The following SYNDIG1 variants were observed in gnomAD, a reference collection of about 807,000 sequenced individuals.
SYNDIG1 encodes synapse differentiation-inducing gene protein 1.
In SYNDIG1, 9 loss-of-function variants were observed where a neutral mutation model predicts 19.4. That is an observed-to-expected ratio of 0.46 (90% CI 0.28 to 0.81). The LOEUF (loss-of-function observed/expected upper bound fraction) is 0.81, where lower values mean the gene tolerates loss of function less well. SYNDIG1 is among the 30% of genes least tolerant of loss of function. The pLI, the probability that SYNDIG1 is intolerant of heterozygous loss-of-function variation, is 0.12. For synonymous variants in SYNDIG1, 141 were observed against 145.9 expected (o/e 0.97, Z 0.24); for missense variants, 311 against 343.3 (o/e 0.91, Z 0.74).
chr20:24,485,934 G>A (rs2055944520), intron 1 of SYNDIG1, among the ~76,000 whole-genome samples: 1 of 152,238 alleles, frequency 6.6e-6, no homozygotes, highest in Admixed American at 6.5e-5. Flanking sequence ...CCCAGGAGAT[G>A]TCTTTGGCCC....
intron 3 of SYNDIG1, among the ~76,000 whole-genome samples, chr20:24,603,411 G>A (rs1341416201): frequency 6.6e-6 from 1 of 152,094 alleles, no homozygotes; most frequent in Non-Finnish European, 1.5e-5. Flanking sequence ...GAGGGCTGGA[G>A]GTGCCCATAG....
intron 2 of SYNDIG1, among the ~76,000 whole-genome samples, chr20:24,570,391 G>A (rs1280697270): frequency 1.3e-5 from 2 of 152,156 alleles, no homozygotes; most frequent in African/African-American, 4.8e-5. Flanking sequence ...AAAAATATTT[G>A]TAAATTGCAT....
At chr20:24,578,732 A>G (rs952280642) in intron 2 of SYNDIG1, among the ~76,000 whole-genome samples, 2 of 152,208 alleles carry the variant, frequency 1.3e-5, no homozygotes, top group Non-Finnish European at 2.9e-5. Context: ...ATGTGGGAGG[A>G]GCAGCAGGGA....
intron 2 of SYNDIG1, among the ~76,000 whole-genome samples, chr20:24,545,593 C>T (rs979782565): frequency 1.3e-5 from 2 of 152,076 alleles, no homozygotes; most frequent in African/African-American, 2.4e-5. Flanking sequence ...AGGAGCCCTC[C>T]CCCGGCTGAG....
chr20:24,616,912 G>A (rs1026247924), intron 3 of SYNDIG1, among the ~76,000 whole-genome samples: 2 of 152,180 alleles, frequency 1.3e-5, no homozygotes, highest in Non-Finnish European at 2.9e-5. Flanking sequence ...CATCCTTGTA[G>A]GGTTTGAAAT....
chr20:24,486,668 T>C (rs540396704), intron 1 of SYNDIG1, among the ~76,000 whole-genome samples: 1 of 151,990 alleles, frequency 6.6e-6, no homozygotes, highest in African/African-American at 2.4e-5. Context: ...AATTTTTTTT[T>C]TGTTTTTTTG....
chr20:24,655,469 A>G (rs2059515680), intron 3 of SYNDIG1, among the ~76,000 whole-genome samples: 1 of 152,228 alleles, frequency 6.6e-6, no homozygotes, highest in Admixed American at 6.5e-5. Context: ...TAGTTGACAA[A>G]TTGATAAATC....
chr20:24,477,348 T>C (rs1366360997), intron 1 of SYNDIG1, among the ~76,000 whole-genome samples: 1 of 152,050 alleles, frequency 6.6e-6, no homozygotes. Context: ...TTTTTTTTCT[T>C]TTTTTACCAG....
At chr20:24,483,711 G>A (rs1314937303) in intron 1 of SYNDIG1, among the ~76,000 whole-genome samples, 2 of 152,212 alleles carry the variant, frequency 1.3e-5, no homozygotes, top group African/African-American at 2.4e-5. Context: ...AGAGTAGTTC[G>A]TTCACCACAT....
At chr20:24,645,398 C>T (rs374048277) in intron 3 of SYNDIG1, among the ~76,000 whole-genome samples, 115 of 152,344 alleles carry the variant, frequency 7.5e-4, no homozygotes, top group Middle Eastern at 3.4e-3. Context: ...GTTTTCCAAC[C>T]ATTAGACGAG....
At chr20:24,654,982 A>G (rs567271553) in intron 3 of SYNDIG1, among the ~76,000 whole-genome samples, 4 of 152,338 alleles carry the variant, frequency 2.6e-5, no homozygotes, top group African/African-American at 9.6e-5. Context: ...AGGCACGCAG[A>G]GTCTGCCACC....
chr20:24,531,631 G>GAAA (rs11472864), intron 1 of SYNDIG1, among the ~76,000 whole-genome samples: 102 of 150,162 alleles, frequency 6.8e-4, no homozygotes, highest in South Asian at 8.4e-4. Context: ...AGACAATTTT[G>GAAA]AAAAAAAAAA....
intron 2 of SYNDIG1, among the ~76,000 whole-genome samples, chr20:24,561,703 TG>T (rs2057949017): frequency 6.6e-6 from 1 of 152,208 alleles, no homozygotes; most frequent in African/African-American, 2.4e-5. Flanking sequence ...AGTTGTTTCC[TG>T]GGCATGAGAT....
Position 24,558,937 on chromosome 20 carries a change from A to C in SYNDIG1, c.480+15360A>C, listed in dbSNP as rs559517583. 4.2e-4 allele frequency among the ~76,000 whole-genome samples: 64 copies of C among 152,318 alleles called. 1 individual carries two copies. The highest frequency in any genetic ancestry group is 7.9e-4 in the Non-Finnish European group (54 of 68,030). ...ATGTCTTTTAAAAATTATAACAAGG[A>C]AAAACAGTTTGGAGGTTTCTCAAAG... On this transcript the variant is annotated intron_variant, in intron 2 of 3. Transcript: ENST00000376862.
intron 1 of SYNDIG1, among the ~76,000 whole-genome samples, chr20:24,495,041 A>G (rs1418862643): frequency 6.6e-6 from 1 of 152,256 alleles, no homozygotes; most frequent in African/African-American, 2.4e-5. Flanking sequence ...TCACTAATGC[A>G]TCTGCGGTAG....
intron 2 of SYNDIG1, among the ~76,000 whole-genome samples, chr20:24,546,397 G>A (rs187465027): frequency 7.2e-5 from 11 of 152,294 alleles, no homozygotes; most frequent in Non-Finnish European, 1.3e-4. Flanking sequence ...TCTGAGGGTC[G>A]GCAATTGAGC....
At chr20:24,589,028 C>G (rs1300845394) in intron 3 of SYNDIG1, among the ~76,000 whole-genome samples, 1 of 152,150 alleles carries the variant, frequency 6.6e-6, no homozygotes, top group Non-Finnish European at 1.5e-5. Flanking sequence ...CAACAATGTT[C>G]CATCCAGCCC....
At chr20:24,651,652 T>G (rs1246887232) in intron 3 of SYNDIG1, among the ~76,000 whole-genome samples, 1 of 152,242 alleles carries the variant, frequency 6.6e-6, no homozygotes, top group East Asian at 1.9e-4. Flanking sequence ...GGAGAGTGGC[T>G]GTCACTGCAG....
At position 24,603,336 on chromosome 20, in the gene SYNDIG1, C is replaced by T. The variant is rs73345336; in HGVS notation, c.618+18343C>T. On this transcript the variant is annotated intron_variant, in intron 3 of 3. Coordinates refer to ENST00000376862, the MANE Select transcript of SYNDIG1 (RefSeq NM_024893.3). ...AGGGCTGTAGACAAGTGTCCCCAAC[C>T]CATGGGGACTTCTGGGGAGAGCTTC... Among the ~76,000 whole-genome samples the T allele has an allele frequency of 2.5e-3, 387 of 152,178 alleles. 5 individuals are homozygous for T. Among genetic ancestry groups the T allele is most frequent in the African/African-American group, 9.0e-3 (375 of 41,496 alleles).
Sources: gnomAD v4.1 joint callset for allele counts (sites outside exome capture counted in the v4.1 genomes callset) on GRCh38, gnomAD v4.1.1 for gene constraint, MANE v1.5 for transcripts, NCBI Gene and HGNC (gene_info 2026-07-23, HGNC 2026-07-21) for gene names.